CNOT7: variants seen among roughly 807,000 people sequenced by gnomAD.
The protein encoded by CNOT7 is CCR4-NOT transcription complex subunit 7.
A neutral mutation model predicts 37.1 loss-of-function variants in CNOT7; 4 were observed. The observed-to-expected ratio is 0.11, with a 90% CI of 0.05 to 0.25. The LOEUF (loss-of-function observed/expected upper bound fraction) is 0.25. Among genes scored for constraint, CNOT7 ranks in the 10% least tolerant of loss-of-function variants. The pLI is 1.00. For missense variants in CNOT7, 170 were observed against 336.2 expected (o/e 0.51, Z 3.87); for synonymous variants, 128 against 115.6 (o/e 1.11, Z -0.69).
Position 17,245,008 on chromosome 8 carries a change from C to T in CNOT7, c.117+28G>A, listed in dbSNP as rs765021645. The T allele has an allele frequency of 8.5e-6, 13 of 1,525,570 alleles. No homozygotes were observed. The Admixed American group carries it at 1.3e-4, about 15-fold the overall frequency. The allele number at this position is 1,525,570 out of a possible 1,614,324, so 94.5% of individuals were successfully genotyped here. A position where few individuals can be genotyped will look rare whatever the true frequency, so the allele number is the denominator to read the frequency against. On this transcript the variant is annotated intron_variant, in intron 2 of 6. Coordinates refer to ENST00000361272, the MANE Select transcript of CNOT7 (RefSeq NM_013354.7). The stretch of plus-strand genomic sequence containing the variant: ...TTTCCTTTTCCTCCTTTATATGAAG[C>T]GTTTTAAAGATCTGCTTGTGGGCAT...
In CNOT7 at chr8:17,245,197, T is replaced by C. The variant is rs941500605; in HGVS notation, c.-45A>G. 12 of 1,545,796 alleles carry C rather than the reference T, an allele frequency of 7.8e-6. No individual in the cohort carries two copies. The highest frequency in any genetic ancestry group is 4.2e-5 in the Admixed American group (2 of 47,134). ...CTAGATGCCAAGCATCAAAATGTTA[T>C]ACTTGATTGAAGATTTGTTTCATAA... On this transcript the variant is annotated 5_prime_UTR_variant, in exon 2 of 7. Transcript: ENST00000361272.
chr8:17,243,416 T>A (rs1272745697), intron 2 of CNOT7: 2 of 639,688 alleles, frequency 3.1e-6, no homozygotes, highest in Non-Finnish European at 5.7e-6. Flanking sequence ...ACGAGATACA[T>A]GTGATAAATT....
Position 17,232,411 on chromosome 8 carries a change from A to G in CNOT7, c.729+16T>C. ...CCTAACAACCAACTGAGAAAAAGGC[A>G]GTGATGTCTTCATACTTCTCTCATT... On this transcript the variant is annotated intron_variant, in intron 6 of 6. Coordinates refer to ENST00000361272, the MANE Select transcript of CNOT7 (RefSeq NM_013354.7). The G allele has an allele frequency of 6.2e-7, 1 of 1,613,722 alleles. No homozygotes were observed. The highest frequency in any genetic ancestry group is 1.7e-4 in the Middle Eastern group (1 of 6,058).
intron 4 of CNOT7, among the ~76,000 whole-genome samples, chr8:17,235,761 C>G (rs959812160): frequency 1.3e-5 from 2 of 152,120 alleles, no homozygotes; most frequent in Admixed American, 6.5e-5. Context: ...TTCTTCATTA[C>G]TTGAAATTAG....
chr8:17,233,647 T>C (rs1035698291), intron 5 of CNOT7, among the ~76,000 whole-genome samples: 1 of 152,136 alleles, frequency 6.6e-6, no homozygotes, highest in Non-Finnish European at 1.5e-5. Flanking sequence ...ATGCAGTGCT[T>C]TCACAGGGTG....
chr8:17,234,850 A>C lies in CNOT7; in HGVS notation c.484T>G (p.Phe162Val). ...KWLSFHSGYD[F>V]GYLIKILTNS... The stretch of plus-strand genomic sequence containing the variant: ...GTTAGGATTTTGATTAAGTAGCCAA[A>C]GTCGTAACCGCTATAAAAGGGTTAA... The change falls in exon 5 of 7, where the codon TTT becomes GTT. Residue 162 changes from phenylalanine to valine, a missense_variant. Phe to Val is a conservative substitution (Grantham distance 50). Around this residue, in one of 6 missense-constraint regions of CNOT7, gnomAD observed 68 missense variants for 151.1 expected, o/e 0.45. Coordinates refer to ENST00000361272, the MANE Select transcript of CNOT7 (RefSeq NM_013354.7). 6.2e-7 allele frequency: 1 copy of C among 1,613,896 alleles called. No individual in the cohort carries two copies. The highest frequency in any genetic ancestry group is 8.5e-7 in the Non-Finnish European group (1 of 1,179,872).
chr8:17,225,849 C>G lies in CNOT7; in HGVS notation c.*4871G>C, dbSNP rs1309657984. The G allele has an allele frequency of 1.4e-4, 21 of 151,470 alleles. No homozygotes were observed. The highest frequency in any genetic ancestry group is 1.4e-3 in the Admixed American group (21 of 15,176). The allele number at this position is 151,470 out of a possible 1,614,324, so 9.4% of individuals were successfully genotyped here. A position where few individuals can be genotyped will look rare whatever the true frequency, so the allele number is the denominator to read the frequency against. ...CAGAATAATCAGCATTTTTCCTATC[C>G]CTTTATTTATAAATTCTAACACATT... On this transcript the variant is annotated 3_prime_UTR_variant, in exon 7 of 7. Coordinates refer to ENST00000361272, the MANE Select transcript of CNOT7 (RefSeq NM_013354.7).
At chr8:17,244,672 G>C (rs1563213514) in intron 2 of CNOT7, 1 of 171,764 alleles carries the variant, frequency 5.8e-6, no homozygotes. Flanking sequence ...GACTTAGTAA[G>C]ATACCCAATC....
intron 2 of CNOT7, chr8:17,244,797 C>A: frequency 2.4e-6 from 1 of 409,960 alleles, no homozygotes; most frequent in East Asian, 4.6e-5. Context: ...CTTATTCAAA[C>A]GGCCCATGGT....
rs1808283810 is a variant in CNOT7 at position 17,228,246 on chromosome 8, AC to A, written c.*2473del. The A allele has an allele frequency of 2.0e-5, 3 of 152,036 alleles. No individual in the cohort carries two copies. Among genetic ancestry groups the A allele is most frequent in the Admixed American group, 6.6e-5 (1 of 15,240 alleles). 9.4% of individuals were successfully genotyped at this position (152,036 alleles called of 1,614,324 possible). On this transcript the variant is annotated 3_prime_UTR_variant, in exon 7 of 7. Coordinates refer to ENST00000361272, the MANE Select transcript of CNOT7 (RefSeq NM_013354.7). The stretch of plus-strand genomic sequence containing the variant: ...GACAACCCTTGCTCTAGTAGATTTA[AC>A]AGAATATATGAGCCTGTAATTAATT...
At chr8:17,236,980 C>G (rs1438365158) in intron 4 of CNOT7, among the ~76,000 whole-genome samples, 1 of 152,172 alleles carries the variant, frequency 6.6e-6, no homozygotes. Flanking sequence ...TTTTAGAGAA[C>G]CTGTACTGTT....
At position 17,227,123 on chromosome 8, in the gene CNOT7, G is replaced by C. The variant is rs1808210300; in HGVS notation, c.*3597C>G. The C allele has an allele frequency of 6.6e-6, 1 of 151,788 alleles. No homozygotes were observed. Among genetic ancestry groups the C allele is most frequent in the Non-Finnish European group, 1.5e-5 (1 of 67,790 alleles). The allele number at this position is 151,788 out of a possible 1,614,324, so 9.4% of individuals were successfully genotyped here. A position where few individuals can be genotyped will look rare whatever the true frequency, so the allele number is the denominator to read the frequency against. On this transcript the variant is annotated 3_prime_UTR_variant, in exon 7 of 7. Coordinates refer to ENST00000361272, the MANE Select transcript of CNOT7 (RefSeq NM_013354.7). ...TATTTCCTGTGAAGTACCTGCTGAT[G>C]AATAATCAAGTGAGTAACTACAGGC...
Position 17,245,095 on chromosome 8 carries a change from A to G in CNOT7, c.58T>C (p.Leu20=). 1 of 1,613,798 alleles carries G rather than the reference A, an allele frequency of 6.2e-7. No individual in the cohort carries two copies. Among genetic ancestry groups the G allele is most frequent in the Non-Finnish European group, 8.5e-7 (1 of 1,179,854 alleles). The stretch of plus-strand genomic sequence containing the variant: ...CGAATTTTCTTCATCTCTTCATCCA[A>G]GTTGCAAGCCCAAACTTCACAAATT... ...QRICEVWACN[L]DEEMKKIRQV... is the part of the protein sequence containing the mutation. Residue 20 remains leucine, a synonymous_variant, in exon 2 of 7, where the codon TTG becomes CTG. Coordinates refer to ENST00000361272, the MANE Select transcript of CNOT7 (RefSeq NM_013354.7).
At position 17,245,155 on chromosome 8, in the gene CNOT7, T is replaced by G. The variant is rs1810739425; in HGVS notation, c.-3A>C. The G allele has an allele frequency of 6.2e-7, 1 of 1,611,702 alleles. No homozygotes were observed. Among genetic ancestry groups the G allele is most frequent in the Non-Finnish European group, 8.5e-7 (1 of 1,178,664 alleles). ...TGATCTACAGTTGCCGCTGGCATAGTGAGGGCACAAGGGAGTCTAGATGCC... is the reference window on the plus strand; with the variant it reads ...TGATCTACAGTTGCCGCTGGCATAGGGAGGGCACAAGGGAGTCTAGATGCC... On this transcript the variant is annotated 5_prime_UTR_variant, in exon 2 of 7. Transcript: ENST00000361272.
At chr8:17,239,772 C>A (rs929443539) in intron 3 of CNOT7, among the ~76,000 whole-genome samples, 1 of 152,204 alleles carries the variant, frequency 6.6e-6, no homozygotes, top group Non-Finnish European at 1.5e-5. Context: ...GGATTACAGG[C>A]GTGAGCCACC....
Position 17,230,646 on chromosome 8 carries a change from G to A in CNOT7, c.*74C>T, listed in dbSNP as rs1808495108. 3 of 1,326,804 alleles carry A rather than the reference G, an allele frequency of 2.3e-6. No individual in the cohort carries two copies. Among genetic ancestry groups the A allele is most frequent in the East Asian group, 4.9e-5 (2 of 40,412 alleles). The allele number at this position is 1,326,804 out of a possible 1,614,324, so 82.2% of individuals were successfully genotyped here. A position where few individuals can be genotyped will look rare whatever the true frequency, so the allele number is the denominator to read the frequency against. On this transcript the variant is annotated 3_prime_UTR_variant, in exon 7 of 7. Coordinates refer to ENST00000361272, the MANE Select transcript of CNOT7 (RefSeq NM_013354.7). ...GGAAAGGTACTGTCTATTGTTCGAG[G>A]GATTCAACCAGAGATAAAACCTATA...
intron 2 of CNOT7, chr8:17,243,484 C>T (rs1810471319): frequency 3.8e-6 from 2 of 523,858 alleles, no homozygotes; most frequent in African/African-American, 1.9e-5. Flanking sequence ...TTCCTGTCTC[C>T]CAAAGGATAC....
At chr8:17,231,827 G>C in intron 6 of CNOT7, 1 of 985,672 alleles carries the variant, frequency 1.0e-6, no homozygotes, top group Non-Finnish European at 1.2e-6. Flanking sequence ...GCCGTTTAAG[G>C]AGGGTTTTCC....
rs1285084518 is a variant in CNOT7, at chr8:17,241,035, T to C, written c.311+1957A>G. 3.3e-5 allele frequency among the ~76,000 whole-genome samples: 5 copies of C among 152,162 alleles called. No homozygotes were observed. The East Asian group carries it at 9.6e-4, about 29-fold the overall frequency. ...TGGGCCAAGGGTTGGACAAGTTTAC[T>C]TTACAAGGTTCTGTAGACTGTGCGT... On this transcript the variant is annotated intron_variant, in intron 3 of 6. Coordinates refer to ENST00000361272, the MANE Select transcript of CNOT7 (RefSeq NM_013354.7).
Sources: gnomAD v4.1 joint callset for allele counts (sites outside exome capture counted in the v4.1 genomes callset) on GRCh38, gnomAD v4.1.1 for gene constraint, gnomAD v4.1.1 regional missense constraint, MANE v1.5 for transcripts, NCBI Gene and HGNC (gene_info 2026-07-23, HGNC 2026-07-21) for gene names.